TEX29: variants seen among roughly 807,000 people sequenced by gnomAD.
TEX29 encodes testis-expressed protein 29.
TEX29 carries 26 observed loss-of-function variants against 18.2 expected under a neutral mutation model. The observed-to-expected ratio is 1.43, with a 90% CI of 1.04 to 1.98. The LOEUF is 1.98. Ranked by LOEUF, TEX29 falls within the 30% of genes most tolerant of loss-of-function variation. The probability of loss-of-function intolerance (pLI) is 0.00; values close to 1 mark genes in which losing one functional copy is unlikely to be tolerated. For missense variants in TEX29, 177 were observed against 194.2 expected (o/e 0.91, Z 0.53); for synonymous variants, 83 against 78.5 (o/e 1.06, Z -0.31).
intron 3 of TEX29, among the ~76,000 whole-genome samples, chr13:111,331,385 C>T (rs1292677696): frequency 6.8e-6 from 1 of 147,932 alleles, no homozygotes; most frequent in Non-Finnish European, 1.5e-5. Flanking sequence ...AAGTCCTTTG[C>T]CCAGTTTTAA....
chr13:111,327,485 C>T (rs759473011), intron 2 of TEX29, among the ~76,000 whole-genome samples: 15 of 152,168 alleles, frequency 9.9e-5, no homozygotes, highest in Non-Finnish European at 1.8e-4. Flanking sequence ...GCAGTCCACC[C>T]AGCAAAGGTC....
intron 4 of TEX29, 122 bp downstream of exon 4, chr13:111,340,054 C>A: frequency 1.2e-6 from 1 of 848,234 alleles, no homozygotes; most frequent in Middle Eastern, 3.1e-4. Context: ...GAGAACAGCT[C>A]TCCGTGAGCC....
In TEX29 at chr13:111,342,910, A is replaced by C. The variant is rs1286563942; in HGVS notation, c.394A>C (p.Ser132Arg). 1.2e-6 allele frequency: 2 copies of C among 1,614,140 alleles called. No individual in the cohort carries two copies. Among genetic ancestry groups the C allele is most frequent in the South Asian group, 2.2e-5 (2 of 91,074 alleles). Residue 132 changes from serine (S) to arginine (R), a missense_variant, in exon 5 of 6, where the codon AGT (serine) becomes CGT (arginine). Ser to Arg is a moderately radical substitution (Grantham distance 110). Transcript: ENST00000283547. ...GPPSAGPSMK[S>R]DEDKDDVTGT... is the part of the protein sequence containing the mutation. ...TCCAAGTGCTGGGCCCTCGATGAAGAGTGACGAGGATAAGGATGATGGTGA... is the reference window on the plus strand; with the variant it reads ...TCCAAGTGCTGGGCCCTCGATGAAGCGTGACGAGGATAAGGATGATGGTGA...
chr13:111,332,792 T>C (rs1030341590), intron 3 of TEX29, among the ~76,000 whole-genome samples: 1 of 152,208 alleles, frequency 6.6e-6, no homozygotes, highest in Non-Finnish European at 1.5e-5. Flanking sequence ...GATTTTTTTT[T>C]CAAATTCTTT....
chr13:111,328,437 C>T (rs182173266), intron 3 of TEX29, 144 bp downstream of exon 3: 173 of 638,738 alleles, frequency 2.7e-4, no homozygotes, highest in African/African-American at 2.0e-3. Context: ...TCTTCTGCTC[C>T]GTCTTAGTGG....
At chr13:111,324,248 C>T (rs987925418) in intron 2 of TEX29, among the ~76,000 whole-genome samples, 6 of 152,288 alleles carry the variant, frequency 3.9e-5, no homozygotes, top group African/African-American at 1.2e-4. Context: ...TCTTGCTGTC[C>T]GTGGCCACGC....
chr13:111,319,359 T>C (rs987146222), upstream of TEX29, among the ~76,000 whole-genome samples: 3 of 152,210 alleles, frequency 2.0e-5, no homozygotes, highest in Non-Finnish European at 4.4e-5. Context: ...AAATGTGGCA[T>C]GTCCCTGCAG....
chr13:111,339,722 G>A, intron 3 of TEX29, 141 bp from the exon 4 acceptor site: 1 of 733,254 alleles, frequency 1.4e-6, no homozygotes, highest in South Asian at 1.6e-5. Flanking sequence ...GAGACGCTGG[G>A]GAGGGTGGGT....
chr13:111,326,908 C>T (rs1276530283), intron 2 of TEX29, among the ~76,000 whole-genome samples: 1 of 152,166 alleles, frequency 6.6e-6, no homozygotes, highest in Non-Finnish European at 1.5e-5. Flanking sequence ...GGGAGCAAAG[C>T]CCTCCTAGTC....
chr13:111,340,064 C>A, intron 4 of TEX29, 132 bp downstream of exon 4: 1 of 780,564 alleles, frequency 1.3e-6, no homozygotes, highest in South Asian at 1.6e-5. Context: ...CTCCGTGAGC[C>A]TGGGAAAGGG....
chr13:111,342,725 C>G (rs2093698580), intron 4 of TEX29, 31 bp from the exon 5 acceptor site: 2 of 1,603,452 alleles, frequency 1.2e-6, no homozygotes, highest in Non-Finnish European at 1.7e-6. Context: ...CTGTAACTTC[C>G]CTGACTGTGA....
chr13:111,316,322 G>A (rs542404678), upstream of TEX29: 46 of 460,648 alleles, frequency 1.0e-4, no homozygotes, highest in South Asian at 7.0e-4. Flanking sequence ...GGAAGGTGTG[G>A]GGCATGCACA....
intron 3 of TEX29, among the ~76,000 whole-genome samples, chr13:111,338,421 G>A (rs2093692595): frequency 3.9e-5 from 6 of 152,100 alleles, no homozygotes; most frequent in Admixed American, 3.9e-4. Flanking sequence ...AAAGAACACG[G>A]CCCTGCTGAC....
rs749694350 is a variant in TEX29 at position 111,342,830 on chromosome 13, C to T, written c.314C>T (p.Ala105Val). The change falls in exon 5 of 6, where the codon GCG becomes GTG. Residue 105 changes from alanine to valine, a missense_variant. Coordinates refer to ENST00000283547, the MANE Select transcript of TEX29 (RefSeq NM_152324.3). ...CTGCCACAGAAGTCCAGCGAAAAGG[C>T]GGAGTTGGCCTCATCCAGCAGCAAG... Reference protein sequence around the residue: ...VALPQKSSEKAELASSSSKLG... With the variant: ...VALPQKSSEKVELASSSSKLG... 13 of 1,614,024 alleles carry T rather than the reference C, an allele frequency of 8.1e-6. No individual in the cohort carries two copies. Among genetic ancestry groups the T allele is most frequent in the South Asian group, 5.5e-5 (5 of 91,070 alleles).
chr13:111,334,680 C>T (rs1030208642), intron 3 of TEX29, among the ~76,000 whole-genome samples: 9 of 152,244 alleles, frequency 5.9e-5, no homozygotes, highest in Non-Finnish European at 1.0e-4. Context: ...TTTCCCTCAA[C>T]TGCTAACCAA....
chr13:111,333,006 A>G (rs549409981), intron 3 of TEX29, among the ~76,000 whole-genome samples: 1 of 152,328 alleles, frequency 6.6e-6, no homozygotes, highest in South Asian at 2.1e-4. Context: ...GTTGCTGTAT[A>G]TAAAATTGCT....
chr13:111,343,251 G>T (rs2093699476), intron 5 of TEX29, among the ~76,000 whole-genome samples: 1 of 152,154 alleles, frequency 6.6e-6, no homozygotes, highest in South Asian at 2.1e-4. Context: ...CAAGAGTCCT[G>T]CAGAAACTGC....
chr13:111,316,905 A>C (rs1468444432), upstream of TEX29, among the ~76,000 whole-genome samples: 2 of 152,182 alleles, frequency 1.3e-5, no homozygotes, highest in East Asian at 1.9e-4. Flanking sequence ...GAGGCAAGGC[A>C]CCTTCACAAG....
chr13:111,326,607 T>C (rs1192547809), intron 2 of TEX29, among the ~76,000 whole-genome samples: 1 of 136,196 alleles, frequency 7.3e-6, no homozygotes, highest in Non-Finnish European at 1.6e-5. Context: ...CTGCGGGCAG[T>C]GCGAGCCTGT....
Sources: allele counts gnomAD v4.1 joint callset (sites outside exome capture counted in the v4.1 genomes callset), GRCh38; gene constraint gnomAD v4.1.1; transcripts MANE v1.5; gene names NCBI Gene and HGNC (gene_info 2026-07-23, HGNC 2026-07-21).